The following SMAP1 variants were observed in gnomAD, a reference collection of about 807,000 sequenced individuals.
The protein encoded by SMAP1 is stromal membrane-associated protein 1.
In SMAP1, 24 loss-of-function variants were observed where a neutral mutation model predicts 58.5. The observed-to-expected ratio is 0.41, with a 90% CI of 0.30 to 0.58. The LOEUF (loss-of-function observed/expected upper bound fraction) is 0.58. Ranked by LOEUF, SMAP1 falls within the 20% of genes least tolerant of loss-of-function variation. The pLI, the probability that SMAP1 is intolerant of heterozygous loss-of-function variation, is 0.29. For synonymous variants in SMAP1, 216 were observed against 196.6 expected, an observed-to-expected ratio of 1.10 and a Z score of -0.82; for missense variants, 563 against 566.3, an observed-to-expected ratio of 0.99 and a Z score of 0.06.
chr6:70,754,412 G>C (rs1048103697), intron 2 of SMAP1, among the ~76,000 whole-genome samples: 3 of 152,022 alleles, frequency 2.0e-5, no homozygotes, highest in Admixed American at 6.6e-5. Context: ...GTAAAGTTTG[G>C]GCATTAGGCA....
chr6:70,743,751 T>C (rs1765907535), intron 2 of SMAP1, among the ~76,000 whole-genome samples: 1 of 152,200 alleles, frequency 6.6e-6, no homozygotes, highest in African/African-American at 2.4e-5. Flanking sequence ...GCTGAACCCT[T>C]GCTAGAATCA....
chr6:70,850,177 A>T (rs1378443621), intron 7 of SMAP1, among the ~76,000 whole-genome samples: 1 of 152,204 alleles, frequency 6.6e-6, no homozygotes, highest in East Asian at 1.9e-4. Flanking sequence ...AAGTAATAAG[A>T]CATAGCATTG....
chr6:70,785,773 A>G (rs896353591), intron 4 of SMAP1, among the ~76,000 whole-genome samples: 1 of 152,262 alleles, frequency 6.6e-6, no homozygotes, highest in Non-Finnish European at 1.5e-5. Context: ...CTCTCTGAAT[A>G]GACCAATAAC....
chr6:70,701,171 C>T (rs1208134790), intron 1 of SMAP1, among the ~76,000 whole-genome samples: 1 of 152,172 alleles, frequency 6.6e-6, no homozygotes, highest in East Asian at 1.9e-4. Context: ...ACCTCCACCT[C>T]CTAGGCTCAA....
intron 2 of SMAP1, among the ~76,000 whole-genome samples, chr6:70,733,339 T>G (rs775176538): frequency 7.9e-5 from 12 of 152,172 alleles, no homozygotes; most frequent in Non-Finnish European, 1.5e-4. Flanking sequence ...AAGCATAATT[T>G]ATTTGGTTCC....
chr6:70,732,717 A>G (rs1765477406), intron 2 of SMAP1, among the ~76,000 whole-genome samples: 1 of 152,220 alleles, frequency 6.6e-6, no homozygotes, highest in Non-Finnish European at 1.5e-5. Flanking sequence ...TTTTTAATCT[A>G]TACTTTCTAA....
intron 2 of SMAP1, among the ~76,000 whole-genome samples, chr6:70,740,511 G>A (rs1765771670): frequency 6.7e-6 from 1 of 149,558 alleles, no homozygotes; most frequent in East Asian, 1.9e-4. Flanking sequence ...TTGTTGAGAT[G>A]TTCTTGTTCT....
intron 6 of SMAP1, among the ~76,000 whole-genome samples, chr6:70,830,602 A>G (rs967972023): frequency 6.6e-6 from 1 of 152,222 alleles, no homozygotes; most frequent in Non-Finnish European, 1.5e-5. Context: ...TACAACCTTT[A>G]TGTCTTGAAA....
chr6:70,820,269 G>A (rs1164084704), intron 6 of SMAP1, among the ~76,000 whole-genome samples: 1 of 152,086 alleles, frequency 6.6e-6, no homozygotes, highest in Admixed American at 6.6e-5. Flanking sequence ...TAGAGATATT[G>A]TTTATAGATT....
At chr6:70,752,784 A>G (rs181947547) in intron 2 of SMAP1, among the ~76,000 whole-genome samples, 27 of 152,142 alleles carry the variant, frequency 1.8e-4, no homozygotes, top group South Asian at 1.0e-3. Flanking sequence ...CCTAGAAACT[A>G]AGCTTACCAA....
chr6:70,787,711 A>C (rs1242554081), intron 4 of SMAP1, among the ~76,000 whole-genome samples: 1 of 151,866 alleles, frequency 6.6e-6, no homozygotes, highest in African/African-American at 2.4e-5. Context: ...GCTCATCATC[A>C]CTGGCCATCA....
intron 4 of SMAP1, among the ~76,000 whole-genome samples, chr6:70,788,828 C>G (rs897691690): frequency 9.2e-5 from 14 of 152,146 alleles, no homozygotes; most frequent in African/African-American, 3.1e-4. Flanking sequence ...ATAAACTATT[C>G]AGGCCTTCTA....
chr6:70,840,539 TAAAC>T (rs1770761957), intron 7 of SMAP1, among the ~76,000 whole-genome samples: 1 of 152,188 alleles, frequency 6.6e-6, no homozygotes, highest in Non-Finnish European at 1.5e-5. Flanking sequence ...CAAGTAGCCA[TAAAC>T]AAACATGTAA....
intron 4 of SMAP1, among the ~76,000 whole-genome samples, chr6:70,790,284 G>T (rs1319151938): frequency 6.6e-6 from 1 of 152,138 alleles, no homozygotes; most frequent in Non-Finnish European, 1.5e-5. Context: ...GGGATTACAG[G>T]CATGCACCAC....
At chr6:70,834,335 GCTTTTTTCC>G (rs1770480351) in intron 6 of SMAP1, among the ~76,000 whole-genome samples, 1 of 147,632 alleles carries the variant, frequency 6.8e-6, no homozygotes, top group Non-Finnish European at 1.5e-5. Context: ...TTTGTTTTAT[GCTTTTTTCC>G]ATGGAAGAAG....
At chr6:70,841,140 C>T (rs968152881) in intron 7 of SMAP1, among the ~76,000 whole-genome samples, 3 of 152,164 alleles carry the variant, frequency 2.0e-5, no homozygotes, top group Admixed American at 1.3e-4. Context: ...GGCATAAGAC[C>T]GCCTCTGAGA....
intron 1 of SMAP1, among the ~76,000 whole-genome samples, chr6:70,724,558 A>G (rs1291629244): frequency 6.6e-6 from 1 of 152,214 alleles, no homozygotes; most frequent in Non-Finnish European, 1.5e-5. Context: ...CCTTCCATTA[A>G]TGCTTCATTT....
chr6:70,726,467 T>C (rs2149854075), intron 1 of SMAP1, among the ~76,000 whole-genome samples: 1 of 152,332 alleles, frequency 6.6e-6, no homozygotes, highest in African/African-American at 2.4e-5. Flanking sequence ...TTAAAAGTGC[T>C]CTTGGGGCAT....
Position 70,860,537 on chromosome 6 carries a change from G to T in SMAP1, c.*203G>T. 1 of 503,248 alleles carries T rather than the reference G, an allele frequency of 2.0e-6. No individual in the cohort carries two copies. Among genetic ancestry groups the T allele is most frequent in the South Asian group, 6.6e-5 (1 of 15,232 alleles). 31.2% of individuals were successfully genotyped at this position (503,248 alleles called of 1,614,324 possible). ...GGTTGATAAATCATTTTATGTCAAG[G>T]GCAGCTTTGCTCATATTTCCCATGA... On this transcript the variant is annotated 3_prime_UTR_variant, in exon 11 of 11. Coordinates refer to ENST00000370455, the MANE Select transcript of SMAP1 (RefSeq NM_001044305.3).
Sources: allele counts gnomAD v4.1 joint callset (sites outside exome capture counted in the v4.1 genomes callset), GRCh38; gene constraint gnomAD v4.1.1; transcripts MANE v1.5; gene names NCBI Gene and HGNC (gene_info 2026-07-23, HGNC 2026-07-21).